The following CFAP221 variants were observed in gnomAD, a reference collection of about 807,000 sequenced individuals.
CFAP221 encodes the protein cilia- and flagella-associated protein 221.
A neutral mutation model predicts 113.1 loss-of-function variants in CFAP221; 97 were observed. That is an observed-to-expected ratio of 0.86 (90% CI 0.73 to 1.02). The LOEUF is 1.02. Among genes scored for constraint, CFAP221 ranks in the 50% least tolerant of loss-of-function variants. The pLI, the probability that CFAP221 is intolerant of heterozygous loss-of-function variation, is 0.00. For synonymous variants in CFAP221, 331 were observed against 354.4 expected (o/e 0.93, Z 0.74); for missense variants, 1,025 against 1,013.4 (o/e 1.01, Z -0.16).
chr2:119,610,517 G>T (rs1574126695), intron 12 of CFAP221, among the ~76,000 whole-genome samples: 1 of 152,164 alleles, frequency 6.6e-6, no homozygotes, highest in Non-Finnish European at 1.5e-5. Context: ...ATTCTAGCTA[G>T]TGATCTATTT....
At chr2:119,650,454 T>G (rs919147373) in intron 22 of CFAP221, among the ~76,000 whole-genome samples, 1 of 152,350 alleles carries the variant, frequency 6.6e-6, no homozygotes, top group South Asian at 2.1e-4. Context: ...GTTCAGCAGA[T>G]ACAAACATAC....
intron 12 of CFAP221, among the ~76,000 whole-genome samples, chr2:119,609,319 C>A (rs1038489066): frequency 1.3e-5 from 2 of 152,204 alleles, no homozygotes; most frequent in Admixed American, 6.5e-5. Context: ...AGAATGATCA[C>A]ATATTATATT....
intron 11 of CFAP221, among the ~76,000 whole-genome samples, chr2:119,607,676 C>A (rs1684866496): frequency 6.6e-6 from 1 of 152,160 alleles, no homozygotes; most frequent in African/African-American, 2.4e-5. Context: ...CACTCCCCAC[C>A]CCCTGGAGCC....
intron 7 of CFAP221, among the ~76,000 whole-genome samples, chr2:119,596,416 C>T (rs1188337913): frequency 6.6e-6 from 1 of 152,184 alleles, no homozygotes; most frequent in East Asian, 1.9e-4. Context: ...ACACATTGCT[C>T]CTGGCCAGCA....
At chr2:119,596,025 C>T (rs1683942191) in intron 7 of CFAP221, among the ~76,000 whole-genome samples, 1 of 151,998 alleles carries the variant, frequency 6.6e-6, no homozygotes, top group South Asian at 2.1e-4. Context: ...TTGGAGAGGC[C>T]TGCAGGGGTT....
intron 19 of CFAP221, among the ~76,000 whole-genome samples, chr2:119,633,661 G>C (rs1445800516): frequency 6.7e-6 from 1 of 150,102 alleles, no homozygotes; most frequent in Non-Finnish European, 1.5e-5. Flanking sequence ...AGTTTAAAAA[G>C]TGGGTTAAAA....
chr2:119,545,812 G>A (rs1331181458), intron 1 of CFAP221, among the ~76,000 whole-genome samples: 1 of 152,208 alleles, frequency 6.6e-6, no homozygotes, highest in East Asian at 1.9e-4. Context: ...AACTCAAGAA[G>A]CATCTCAGAA....
chr2:119,629,829 T>C (rs1196741381), intron 16 of CFAP221, 46 bp from the exon 17 acceptor site: 2 of 1,440,162 alleles, frequency 1.4e-6, no homozygotes, highest in Admixed American at 1.7e-5. Flanking sequence ...ATAGCCACTC[T>C]TGCTCAGTGG....
chr2:119,565,331 TA>T (rs1301225158), intron 6 of CFAP221, among the ~76,000 whole-genome samples: 2 of 152,240 alleles, frequency 1.3e-5, no homozygotes, highest in African/African-American at 4.8e-5. Context: ...TAGCAATTTT[TA>T]TCAAAGTTGA....
rs781402540 is a variant in CFAP221 at position 119,639,818 on chromosome 2, A to G, written c.2171A>G (p.Gln724Arg). 6.2e-7 allele frequency: 1 copy of G among 1,614,176 alleles called. No individual in the cohort carries two copies. Among genetic ancestry groups the G allele is most frequent in the East Asian group, 2.2e-5 (1 of 44,884 alleles). ...GGAATAATGCACTGGAAAAGCTTCC[A>G]GTCCCTGGTTCTCTCCTCCCTGCCG... ...IPGIMHWKSF[Q>R]SLVLSSLPDP... The change falls in exon 21 of 24, where the codon CAG becomes CGG. Residue 724 changes from glutamine to arginine, a missense_variant. Gln to Arg is a conservative substitution (Grantham distance 43). Coordinates refer to ENST00000413369, the MANE Select transcript of CFAP221 (RefSeq NM_001271049.2).
At chr2:119,601,731 G>T (rs1684382134) in intron 8 of CFAP221, among the ~76,000 whole-genome samples, 1 of 152,130 alleles carries the variant, frequency 6.6e-6, no homozygotes, top group Non-Finnish European at 1.5e-5. Flanking sequence ...TGTTTTTAAG[G>T]TTTCCATATA....
At position 119,627,668 on chromosome 2, in the gene CFAP221, A is replaced by C; in HGVS notation, c.1532A>C (p.Lys511Thr). 5 of 1,613,518 alleles carry C rather than the reference A, an allele frequency of 3.1e-6. No homozygotes were observed. The highest frequency in any genetic ancestry group is 4.2e-6 in the Non-Finnish European group (5 of 1,179,824). ...QSIAQEANFF[K>T]FFLRRISQDD... Reference sequence around the variant, plus strand: ...TCACCCATAGAGGCGAATTTCTTCAAATTCTTCCTGAGGCGGATCAGTCAG... The same window carrying C: ...TCACCCATAGAGGCGAATTTCTTCACATTCTTCCTGAGGCGGATCAGTCAG... Residue 511 changes from lysine (K) to threonine (T), a missense_variant, in exon 16 of 24, where the codon AAA (lysine) becomes ACA (threonine). By Grantham distance (78) the Lys-to-Thr change is moderately conservative (BLOSUM62 -1). Coordinates refer to ENST00000413369, the MANE Select transcript of CFAP221 (RefSeq NM_001271049.2).
chr2:119,605,170 C>G lies in CFAP221; in HGVS notation c.1025-11C>G, dbSNP rs1356632676. 1.2e-6 allele frequency: 2 copies of G among 1,605,838 alleles called. No homozygotes were observed. The highest frequency in any genetic ancestry group is 2.7e-5 in the African/African-American group (2 of 74,724). On this transcript the variant is annotated splice_polypyrimidine_tract_variant and intron_variant, in intron 10 of 23. Transcript: ENST00000413369. ...ATTACTGGTATAAACATTGTCTGCT[C>G]CTGCCTTCAGTTTTGGACCAGGGCA...
chr2:119,613,091 C>G (rs1026298126), intron 13 of CFAP221, among the ~76,000 whole-genome samples: 5 of 152,244 alleles, frequency 3.3e-5, no homozygotes, highest in African/African-American at 1.2e-4. Flanking sequence ...CCAAAATTAT[C>G]TCCTTTGACT....
intron 11 of CFAP221, among the ~76,000 whole-genome samples, chr2:119,605,675 G>T (rs891725050): frequency 1.3e-5 from 2 of 152,182 alleles, no homozygotes; most frequent in African/African-American, 4.8e-5. Flanking sequence ...GTAGCCCAGT[G>T]GGGTGAGGCT....
intron 19 of CFAP221, among the ~76,000 whole-genome samples, chr2:119,636,517 A>C (rs973305625): frequency 6.6e-6 from 1 of 152,232 alleles, no homozygotes; most frequent in Non-Finnish European, 1.5e-5. Flanking sequence ...TGGAAGGGGC[A>C]TTTGTGTACC....
chr2:119,572,586 G>C, intron 6 of CFAP221: 2 of 700,804 alleles, frequency 2.9e-6, no homozygotes, highest in Non-Finnish European at 5.2e-6. Flanking sequence ...TTGAAACTTG[G>C]AGCAGGTCCA....
intron 7 of CFAP221, among the ~76,000 whole-genome samples, chr2:119,598,387 A>G (rs1684134913): frequency 6.6e-6 from 1 of 152,132 alleles, no homozygotes; most frequent in Non-Finnish European, 1.5e-5. Context: ...ATTATTTTTC[A>G]GTGCTGTTAC....
chr2:119,622,923 G>C (rs1344808009), intron 14 of CFAP221, among the ~76,000 whole-genome samples: 1 of 152,112 alleles, frequency 6.6e-6, no homozygotes, highest in Admixed American at 6.5e-5. Flanking sequence ...TACTGAATGG[G>C]CAAAAGCTGG....
Sources: gnomAD v4.1 joint callset for allele counts (sites outside exome capture counted in the v4.1 genomes callset) on GRCh38, gnomAD v4.1.1 for gene constraint, MANE v1.5 for transcripts, NCBI Gene and HGNC (gene_info 2026-07-23, HGNC 2026-07-21) for gene names.